DBF4: variants seen among roughly 807,000 people sequenced by gnomAD.
The protein encoded by DBF4 is protein DBF4 homolog A.
Under a neutral mutation model 76.6 loss-of-function variants are expected in DBF4, and 25 were observed. The ratio of observed to expected loss-of-function variants is 0.33; its 90% confidence interval spans 0.24 to 0.46. DBF4 has a LOEUF of 0.46. Ranked by LOEUF, DBF4 falls within the 20% of genes least tolerant of loss-of-function variation. DBF4 has a pLI of 1.00. For synonymous variants in DBF4, 213 were observed against 258.0 expected, an observed-to-expected ratio of 0.83 and a Z score of 1.67; for missense variants, 638 against 760.8, an observed-to-expected ratio of 0.84 and a Z score of 1.90.
At chr7:87,895,387 G>C (rs574619489) in intron 6 of DBF4, among the ~76,000 whole-genome samples, 1 of 152,226 alleles carries the variant, frequency 6.6e-6, no homozygotes, top group Admixed American at 6.5e-5. Flanking sequence ...ATGTTTTTCT[G>C]GTTGTTTACA....
In DBF4 at chr7:87,877,921, A is replaced by G. The variant is rs150690051; in HGVS notation, c.47-132A>G. The G allele has an allele frequency of 1.3e-3, 1,018 of 757,360 alleles. 10 individuals are homozygous for G. The African/African-American group carries it at 0.016, about 12-fold the overall frequency. The allele number at this position is 757,360 out of a possible 1,614,324, so 46.9% of individuals were successfully genotyped here. Reference sequence around the variant, plus strand: ...CTATCCTAAGTAGTACTACAAAGAAATACATTTCAATGCTAATAACTTAAA... The same window carrying G: ...CTATCCTAAGTAGTACTACAAAGAAGTACATTTCAATGCTAATAACTTAAA... On this transcript the variant is annotated intron_variant, in intron 1 of 11. Transcript: ENST00000265728.
chr7:87,889,423 G>T (rs1350866979), intron 6 of DBF4, among the ~76,000 whole-genome samples: 1 of 151,828 alleles, frequency 6.6e-6, no homozygotes, highest in Non-Finnish European at 1.5e-5. Flanking sequence ...GGGACTACAG[G>T]CATGAGCCAC....
At chr7:87,898,922 A>G (rs1839703403) in intron 8 of DBF4, among the ~76,000 whole-genome samples, 1 of 152,232 alleles carries the variant, frequency 6.6e-6, no homozygotes, top group African/African-American at 2.4e-5. Context: ...GGAATAGAAT[A>G]GAGAGCCTAG....
At chr7:87,883,456 A>G (rs1459016376) in intron 2 of DBF4, among the ~76,000 whole-genome samples, 1 of 152,136 alleles carries the variant, frequency 6.6e-6, no homozygotes, top group Admixed American at 6.5e-5. Context: ...TGTATAGGAG[A>G]TCGGGTTTCT....
rs1159504926 is a variant in DBF4 at position 87,896,530 on chromosome 7, T to C, written c.634+20T>C. On this transcript the variant is annotated intron_variant, in intron 7 of 11. Coordinates refer to ENST00000265728, the MANE Select transcript of DBF4 (RefSeq NM_006716.4). ...CAAGAAGTAAGTATTTTGTGATCTT[T>C]AAGTGTATTTGGTTTGCATTTGAAA... is the stretch of plus-strand genomic sequence containing the variant. 1 of 1,607,118 alleles carries C rather than the reference T, an allele frequency of 6.2e-7. No homozygotes were observed. Among genetic ancestry groups the C allele is most frequent in the Non-Finnish European group, 8.5e-7 (1 of 1,175,252 alleles).
At chr7:87,886,179 G>A (rs749607592) in intron 3 of DBF4, among the ~76,000 whole-genome samples, 5 of 152,058 alleles carry the variant, frequency 3.3e-5, no homozygotes, top group Non-Finnish European at 5.9e-5. Context: ...ATACACCAGC[G>A]ATTCCAAAAT....
In DBF4 at chr7:87,883,048, A is replaced by G. The variant is rs553627580; in HGVS notation, c.220-1931A>G. Among the ~76,000 whole-genome samples, 3 of 152,278 alleles carry G rather than the reference A, an allele frequency of 2.0e-5. No homozygotes were observed. In the South Asian group the frequency reaches 6.2e-4, roughly 32 times the overall value. On this transcript the variant is annotated intron_variant, in intron 2 of 11. Transcript: ENST00000265728. ...AACAGCCTTAATGTCCAACAAGTAA[A>G]TAGATAAAGAAGAGGTTGTATATAC...
chr7:87,887,435 T>C, intron 5 of DBF4, 37 bp downstream of exon 5: 1 of 1,526,734 alleles, frequency 6.5e-7, no homozygotes, highest in Non-Finnish European at 8.8e-7. Flanking sequence ...CAGTATTTGT[T>C]TTAAGTGTCC....
chr7:87,876,786 G>T lies in DBF4; in HGVS notation c.46+8G>T, dbSNP rs998810229. ...GTAAAGGACATTTCCAGGGTAAGAA[G>T]CCCCTCCTCCGCCTGCAGTCCCTTT... On this transcript the variant is annotated splice_region_variant and intron_variant, in intron 1 of 11. Transcript: ENST00000265728. The T allele has an allele frequency of 2.5e-6, 4 of 1,613,970 alleles. No individual in the cohort carries two copies. The highest frequency in any genetic ancestry group is 3.4e-6 in the Non-Finnish European group (4 of 1,179,954).
At chr7:87,887,230 G>A (rs1254050432) in intron 4 of DBF4, 99 bp from the exon 5 acceptor site, 22 of 976,194 alleles carry the variant, frequency 2.3e-5, no homozygotes, top group Non-Finnish European at 3.0e-5. Flanking sequence ...ACAAATAACT[G>A]CCTTAGTGAC....
intron 2 of DBF4, among the ~76,000 whole-genome samples, chr7:87,880,239 G>A (rs1839178961): frequency 6.6e-6 from 1 of 152,104 alleles, no homozygotes; most frequent in Non-Finnish European, 1.5e-5. Flanking sequence ...CAGTTCCTGA[G>A]GTAATTGCAA....
chr7:87,894,626 TG>T (rs1437995733), intron 6 of DBF4, among the ~76,000 whole-genome samples: 1 of 152,200 alleles, frequency 6.6e-6, no homozygotes, highest in Non-Finnish European at 1.5e-5. Context: ...GCAAATCTGG[TG>T]GCACAAGGAA....
At chr7:87,898,843 T>C (rs1839701929) in intron 8 of DBF4, among the ~76,000 whole-genome samples, 1 of 151,118 alleles carries the variant, frequency 6.6e-6, no homozygotes, top group Non-Finnish European at 1.5e-5. Context: ...ACTTTCTGGT[T>C]TTAAAACTTA....
intron 6 of DBF4, among the ~76,000 whole-genome samples, chr7:87,895,000 A>G (rs1282325082): frequency 1.3e-5 from 2 of 152,136 alleles, no homozygotes; most frequent in Non-Finnish European, 2.9e-5. Context: ...AGTTGACAAT[A>G]AAGTTAGACA....
Position 87,908,813 on chromosome 7 carries a change from GCT to G in DBF4, c.*652_*653del, listed in dbSNP as rs1839972910. 1 of 137,952 alleles carries G rather than the reference GCT, an allele frequency of 7.2e-6. No individual in the cohort carries two copies. Among genetic ancestry groups the G allele is most frequent in the Non-Finnish European group, 1.6e-5 (1 of 64,516 alleles). The allele number at this position is 137,952 out of a possible 1,614,324, so 8.5% of individuals were successfully genotyped here. A position where few individuals can be genotyped will look rare whatever the true frequency, so the allele number is the denominator to read the frequency against. The stretch of plus-strand genomic sequence containing the variant: ...ATATTCAAAAGTTGACTCTCCTGTG[GCT>G]CATGCCACAGGATCCCAGCACTTTG... On this transcript the variant is annotated 3_prime_UTR_variant, in exon 12 of 12. Transcript: ENST00000265728.
chr7:87,876,929 GT>G, intron 1 of DBF4, 151 bp downstream of exon 1: 2 of 837,532 alleles, frequency 2.4e-6, no homozygotes, highest in Non-Finnish European at 3.8e-6. Flanking sequence ...CCCGTTCAGT[GT>G]TTTGCCTAAG....
At chr7:87,900,969 T>TTA (rs1839769400) in intron 10 of DBF4, 91 bp downstream of exon 10, 1 of 1,106,452 alleles carries the variant, frequency 9.0e-7, no homozygotes, top group Non-Finnish European at 1.3e-6. Flanking sequence ...GCAGATATTT[T>TTA]ACATTTTAAG....
chr7:87,898,935 A>G (rs1839703839), intron 8 of DBF4, among the ~76,000 whole-genome samples: 1 of 152,204 alleles, frequency 6.6e-6, no homozygotes, highest in Non-Finnish European at 1.5e-5. Context: ...GAGCCTAGAA[A>G]TAAACCATCA....
chr7:87,879,920 C>T (rs1185515045), intron 2 of DBF4, among the ~76,000 whole-genome samples: 3 of 150,836 alleles, frequency 2.0e-5, no homozygotes, highest in South Asian at 2.1e-4. Context: ...GCCACTGTAC[C>T]CCAGTATGAG....
Sources: allele counts gnomAD v4.1 joint callset (sites outside exome capture counted in the v4.1 genomes callset), GRCh38; gene constraint gnomAD v4.1.1; transcripts MANE v1.5; gene names NCBI Gene and HGNC (gene_info 2026-07-23, HGNC 2026-07-21).